DLG3: variants seen among roughly 807,000 people sequenced by gnomAD.
DLG3 encodes the protein disks large homolog 3.
In DLG3, 1 loss-of-function variant was observed where a neutral mutation model predicts 64.1. The observed-to-expected ratio is 0.02, with a 90% CI of 0.01 to 0.07. DLG3 has a LOEUF of 0.07. Among genes scored for constraint, DLG3 ranks in the 10% least tolerant of loss-of-function variants. DLG3 has a pLI of 1.00. For missense variants in DLG3, 429 were observed against 669.5 expected (o/e 0.64, Z 3.96); for synonymous variants, 245 against 259.8 (o/e 0.94, Z 0.55).
chrX:70,446,774 C>T (rs966558812), intron 1 of DLG3, among the ~76,000 whole-genome samples: 3 of 112,786 alleles, frequency 2.7e-5, no homozygotes, highest in Non-Finnish European at 1.9e-5. Context: ...TCTGGTTATC[C>T]GGCTCTGCAG....
rs1362535137 is a variant in DLG3, at chrX:70,449,337, G to A, written c.409-22G>A. 4 of 1,209,515 alleles carry A rather than the reference G, an allele frequency of 3.3e-6. No individual in the cohort carries two copies. In the African/African-American group the frequency reaches 7.0e-5, roughly 21 times the overall value. On this transcript the variant is annotated intron_variant, in intron 2 of 18. Transcript: ENST00000374360. ...TGTGCCCTCAGAGTGAACAGACTGT[G>A]CCTTTCCACCCACTTCTGCAGGGCA...
At position 70,453,805 on chromosome X, in the gene DLG3, A is replaced by G. The variant is rs1243449174; in HGVS notation, c.1302+12A>G. 1.7e-6 allele frequency: 2 copies of G among 1,177,597 alleles called. No homozygotes were observed. Among genetic ancestry groups the G allele is most frequent in the Non-Finnish European group, 1.1e-6 (1 of 875,129 alleles). On this transcript the variant is annotated intron_variant, in intron 8 of 18. Coordinates refer to ENST00000374360, the MANE Select transcript of DLG3 (RefSeq NM_021120.4). ...ACCGGATCTTATCGGTGAGGAGACAAAGGAGAGGTGGGAGGATGGGAACTG... is the reference window on the plus strand; with the variant it reads ...ACCGGATCTTATCGGTGAGGAGACAGAGGAGAGGTGGGAGGATGGGAACTG...
chrX:70,445,504 C>T lies in DLG3; in HGVS notation c.303C>T (p.Ser101=). 3.4e-6 allele frequency: 4 copies of T among 1,193,567 alleles called. No individual in the cohort carries two copies. The highest frequency in any genetic ancestry group is 4.5e-6 in the Non-Finnish European group (4 of 886,711). ...AGAGCACCCCCAAACTCAACGGCAG[C>T]GGCCCCAGCTGGTGGCCAGAGTGCA... The part of the protein sequence containing the change: ...PGKSTPKLNG[S]GPSWWPECTC... The change falls in exon 1 of 19, where the codon AGC becomes AGT. Residue 101 remains serine (S), a synonymous_variant. Transcript: ENST00000374360.
Position 70,456,382 on chromosome X carries a change from G to A in DLG3, c.1405+2066G>A, listed in dbSNP as rs6653300. Among the ~76,000 whole-genome samples the A allele has an allele frequency of 2.8e-4, 31 of 112,083 alleles. No homozygotes were observed. The East Asian group carries it at 8.1e-3, about 29-fold the overall frequency. On this transcript the variant is annotated intron_variant, in intron 9 of 18. Coordinates refer to ENST00000374360, the MANE Select transcript of DLG3 (RefSeq NM_021120.4). ...TGTAGGAGAAATTGATGTTTCTTTC[G>A]GTTTTGCTCTCTGATGTTGGGCACA... is the stretch of plus-strand genomic sequence containing the variant.
In DLG3 at chrX:70,505,222, C is replaced by T. The variant is rs1225487562; in HGVS notation, c.*2953C>T. 1 of 112,418 alleles carries T rather than the reference C, an allele frequency of 8.9e-6. No homozygotes were observed. The highest frequency in any genetic ancestry group is 3.2e-5 in the African/African-American group (1 of 30,888). The allele number at this position is 112,418 out of a possible 1,213,427, so 9.3% of individuals were successfully genotyped here. The stretch of plus-strand genomic sequence containing the variant: ...GCTCTGTCTTCACAGCTGATGTTCT[C>T]CTAGTGGAGGTACAGCTGAAGAACA... On this transcript the variant is annotated 3_prime_UTR_variant, in exon 19 of 19. Coordinates refer to ENST00000374360, the MANE Select transcript of DLG3 (RefSeq NM_021120.4).
chrX:70,452,310 T>A, intron 7 of DLG3: 13 of 1,033,410 alleles, frequency 1.3e-5, no homozygotes, highest in Non-Finnish European at 1.6e-5. Context: ...TTTAGGGGGC[T>A]GAGGAGGCGA....
At chrX:70,489,603 G>A (rs889394697) in intron 10 of DLG3, among the ~76,000 whole-genome samples, 1 of 111,668 alleles carries the variant, frequency 9.0e-6, no homozygotes, top group African/African-American at 3.3e-5. Flanking sequence ...CCACCCAGCC[G>A]GAAGTAAACT....
At chrX:70,450,969 G>T in intron 6 of DLG3, 186 bp downstream of exon 6, 1 of 516,598 alleles carries the variant, frequency 1.9e-6, no homozygotes, top group Non-Finnish European at 3.2e-6. Context: ...GTACCCCATC[G>T]TGAAGACTTG....
At chrX:70,478,059 A>G (rs1437686140) in intron 9 of DLG3, among the ~76,000 whole-genome samples, 1 of 112,063 alleles carries the variant, frequency 8.9e-6, no homozygotes, top group Non-Finnish European at 1.9e-5. Flanking sequence ...TTCAACCCCT[A>G]GTATAAATTT....
intron 10 of DLG3, among the ~76,000 whole-genome samples, chrX:70,490,167 A>G (rs2087333643): frequency 8.9e-6 from 1 of 112,103 alleles, no homozygotes; most frequent in African/African-American, 3.2e-5. Flanking sequence ...CCGGCCTCCT[A>G]AATTCATTTT....
In DLG3 at chrX:70,451,923, G is replaced by C; in HGVS notation, c.1042G>C (p.Gly348Arg). Residue 348 changes from glycine (G) to arginine (R), a missense_variant, in exon 7 of 19, where the codon GGG (glycine) becomes CGG (arginine). By Grantham distance (125) the Gly-to-Arg change is moderately radical (BLOSUM62 -2). Transcript: ENST00000374360. The part of the protein sequence containing the change: ...ISHNSSLGYL[G>R]AVESKVSYPA... ...CCATAATTCCAGCCTGGGTTATCTC[G>C]GGGCTGTGGAGAGCAAGGTCAGCTA... 1 of 1,211,437 alleles carries C rather than the reference G, an allele frequency of 8.3e-7. No individual in the cohort carries two copies.
At chrX:70,493,369 T>C (rs1569293148) in intron 12 of DLG3, 1 of 1,201,573 alleles carries the variant, frequency 8.3e-7, no homozygotes. Flanking sequence ...TTCATGTTCT[T>C]TCACAGTCGA....
rs912779095 is a variant in DLG3 at position 70,504,776 on chromosome X, G to T, written c.*2507G>T. ...AGAGAAAGTGACCTGCCAGCTACCA[G>T]TGTTTCCGAAAATGAGGGTGGGATG... is the stretch of plus-strand genomic sequence containing the variant. On this transcript the variant is annotated 3_prime_UTR_variant, in exon 19 of 19. Transcript: ENST00000374360. 2 of 112,317 alleles carry T rather than the reference G, an allele frequency of 1.8e-5. No individual in the cohort carries two copies. The highest frequency in any genetic ancestry group is 6.5e-5 in the African/African-American group (2 of 30,827). The allele number at this position is 112,317 out of a possible 1,213,427, so 9.3% of individuals were successfully genotyped here. A position where few individuals can be genotyped will look rare whatever the true frequency, so the allele number is the denominator to read the frequency against.
intron 10 of DLG3, among the ~76,000 whole-genome samples, chrX:70,483,518 T>C (rs2087203010): frequency 1.8e-5 from 2 of 112,656 alleles, no homozygotes; most frequent in Admixed American, 9.3e-5. Context: ...TATTTTGCTG[T>C]CGCTTTCCCT....
chrX:70,495,716 C>G (rs751504602), intron 13 of DLG3, among the ~76,000 whole-genome samples: 183 of 111,915 alleles, frequency 1.6e-3, no homozygotes, highest in African/African-American at 5.4e-3. Flanking sequence ...GCATGGCATC[C>G]CACCTTAGAA....
intron 9 of DLG3, among the ~76,000 whole-genome samples, chrX:70,465,951 G>A (rs62607975): frequency 0.073 from 8,116 of 110,730 alleles, 276 homozygotes; most frequent in Non-Finnish European, 0.11. Flanking sequence ...CCTTGTATAC[G>A]GTTTTTGTGA....
chrX:70,495,540 G>A, intron 13 of DLG3, 87 bp downstream of exon 13: 1 of 912,369 alleles, frequency 1.1e-6, no homozygotes, highest in Non-Finnish European at 1.6e-6. Context: ...GGGTGAGGGT[G>A]AAGGGTGAGG....
chrX:70,445,891 G>A (rs1323411711), intron 1 of DLG3, among the ~76,000 whole-genome samples: 3 of 97,826 alleles, frequency 3.1e-5, no homozygotes, highest in African/African-American at 7.6e-5. Flanking sequence ...GAGGTTCTGC[G>A]GGGGCTGTGT....
At chrX:70,493,577 CCTCGTG>C in intron 12 of DLG3, 7 of 702,611 alleles carry the variant, frequency 1.0e-5, no homozygotes, top group Non-Finnish European at 1.6e-5. Flanking sequence ...CCACGTGTGG[CCTCGTG>C]CCTGCCTGTG....
Sources: gnomAD v4.1 joint callset for allele counts (sites outside exome capture counted in the v4.1 genomes callset) on GRCh38, gnomAD v4.1.1 for gene constraint, MANE v1.5 for transcripts, NCBI Gene and HGNC (gene_info 2026-07-23, HGNC 2026-07-21) for gene names.